The following PRCP variants were observed in gnomAD, a reference collection of about 807,000 sequenced individuals.
PRCP encodes the protein prolylcarboxypeptidase, also known as lysosomal Pro-X carboxypeptidase.
PRCP carries 46 observed loss-of-function variants against 54.2 expected under a neutral mutation model. The observed-to-expected ratio is 0.85, with a 90% CI of 0.67 to 1.09. The LOEUF (loss-of-function observed/expected upper bound fraction) is 1.09. Ranked by LOEUF, PRCP falls within the 50% of genes least tolerant of loss-of-function variation. The pLI, the probability that PRCP is intolerant of heterozygous loss-of-function variation, is 0.00. For missense variants in PRCP, 613 were observed against 596.8 expected (o/e 1.03, Z -0.28); for synonymous variants, 240 against 212.2 (o/e 1.13, Z -1.14).
chr11:82,887,280 T>C (rs1190172492), intron 1 of PRCP, among the ~76,000 whole-genome samples: 2 of 152,208 alleles, frequency 1.3e-5, no homozygotes, highest in Non-Finnish European at 2.9e-5. Flanking sequence ...TTTAATTACT[T>C]GTGACTATCT....
rs1460376385 is a variant in PRCP, at chr11:82,825,258, CTAATTTATCA to C, written c.1275-146_1275-137del. 6.5e-6 allele frequency: 5 copies of C among 770,488 alleles called. No homozygotes were observed. In the African/African-American group the frequency reaches 8.8e-5, roughly 14 times the overall value. 47.7% of individuals were successfully genotyped at this position (770,488 alleles called of 1,614,324 possible). ...AACCTGGGGGATTTGATCTGAGGAT[CTAATTTATCA>C]TATGGATAGATACTTCATACTGGAG... On this transcript the variant is annotated intron_variant, in intron 8 of 8. Transcript: ENST00000313010.
chr11:82,898,633 C>T (rs575636216), intron 1 of PRCP, among the ~76,000 whole-genome samples: 2 of 152,364 alleles, frequency 1.3e-5, no homozygotes, highest in East Asian at 3.9e-4. Flanking sequence ...CACTTTCCCT[C>T]TGAAACAGCT....
At chr11:82,883,375 T>C (rs961906219) in intron 1 of PRCP, among the ~76,000 whole-genome samples, 2 of 152,132 alleles carry the variant, frequency 1.3e-5, no homozygotes, top group South Asian at 2.1e-4. Context: ...TCCAAGCTGA[T>C]AGACAGCAGC....
intron 5 of PRCP, 32 bp from the exon 6 acceptor site, chr11:82,849,250 A>G: frequency 6.2e-7 from 1 of 1,609,160 alleles, no homozygotes; most frequent in Non-Finnish European, 8.5e-7. Context: ...TGGAATCTAA[A>G]AAGTACTGGT....
chr11:82,901,090 T>C (rs1380689418), upstream of PRCP: 1 of 363,280 alleles, frequency 2.8e-6, no homozygotes, highest in Non-Finnish European at 5.4e-6. Context: ...CGCAGACCGC[T>C]GGGTCCAGGT....
Position 82,849,990 on chromosome 11 carries a change from A to G in PRCP, c.675T>C (p.Asp225=). 1 of 1,563,054 alleles carries G rather than the reference A, an allele frequency of 6.4e-7. No individual in the cohort carries two copies. The highest frequency in any genetic ancestry group is 8.7e-7 in the Non-Finnish European group (1 of 1,153,488). The change falls in exon 5 of 9, where the codon GAT becomes GAC. Residue 225 remains aspartate (D), a synonymous_variant. Coordinates refer to ENST00000313010, the MANE Select transcript of PRCP (RefSeq NM_005040.4). ...CGVFMKIVTT[D]FRKSGPHCSE... The stretch of plus-strand genomic sequence containing the variant: ...AACAATGTGGACCGCTTTTCCTAAA[A>G]TCTGTAGTTACGATCTTCATAAATA...
intron 1 of PRCP, among the ~76,000 whole-genome samples, chr11:82,883,569 C>G (rs903452621): frequency 6.6e-6 from 1 of 152,066 alleles, no homozygotes; most frequent in African/African-American, 2.4e-5. Context: ...ATTGTCTAAG[C>G]CTACACTAGC....
intron 1 of PRCP, among the ~76,000 whole-genome samples, chr11:82,894,072 G>A (rs979593984): frequency 1.3e-5 from 2 of 151,768 alleles, no homozygotes; most frequent in African/African-American, 4.8e-5. Context: ...TTATTAAGAA[G>A]TACCATATCC....
intron 1 of PRCP, among the ~76,000 whole-genome samples, chr11:82,875,976 T>C (rs1275819642): frequency 6.6e-6 from 1 of 152,176 alleles, no homozygotes; most frequent in African/African-American, 2.4e-5. Flanking sequence ...CTGGAATGCA[T>C]TCCTCTCTCG....
intron 1 of PRCP, among the ~76,000 whole-genome samples, chr11:82,866,597 T>C (rs1859341963): frequency 6.6e-6 from 1 of 152,154 alleles, no homozygotes; most frequent in Non-Finnish European, 1.5e-5. Flanking sequence ...TAAGTGATAA[T>C]GGGAGAGTCC....
chr11:82,863,619 G>C (rs904271530), intron 1 of PRCP, among the ~76,000 whole-genome samples: 1 of 152,162 alleles, frequency 6.6e-6, no homozygotes, highest in African/African-American at 2.4e-5. Context: ...GCCTTTAAAA[G>C]CATCCCACAA....
At chr11:82,872,463 A>G (rs983082824) in intron 1 of PRCP, among the ~76,000 whole-genome samples, 1 of 152,214 alleles carries the variant, frequency 6.6e-6, no homozygotes, top group African/African-American at 2.4e-5. Context: ...TTCTTATAAG[A>G]AAAGAAGAGA....
intron 1 of PRCP, among the ~76,000 whole-genome samples, chr11:82,891,192 T>A (rs559886743): frequency 1.3e-5 from 2 of 152,332 alleles, no homozygotes; most frequent in African/African-American, 4.8e-5. Flanking sequence ...TCCTACCTTC[T>A]AACTGCTCAG....
intron 1 of PRCP, among the ~76,000 whole-genome samples, chr11:82,896,257 G>A (rs1860118569): frequency 6.6e-6 from 1 of 152,118 alleles, no homozygotes; most frequent in African/African-American, 2.4e-5. Context: ...AGGCCATGGT[G>A]CCCGGCTATT....
chr11:82,880,570 G>C (rs1295066257), intron 1 of PRCP, among the ~76,000 whole-genome samples: 1 of 152,160 alleles, frequency 6.6e-6, no homozygotes, highest in East Asian at 1.9e-4. Flanking sequence ...CAGTACCTCA[G>C]TTGGAAATGC....
Position 82,853,228 on chromosome 11 carries a change from A to G in PRCP, c.360T>C (p.Ala120=). 1.2e-6 allele frequency: 2 copies of G among 1,613,356 alleles called. No homozygotes were observed. Among genetic ancestry groups the G allele is most frequent in the Non-Finnish European group, 1.7e-6 (2 of 1,179,514 alleles). ...GAGACTCTCCATAGTATCGATGTTC[A>G]GCAAACACCAACATAGCTTTCAGTT... is the stretch of plus-strand genomic sequence containing the variant. ...AEELKAMLVF[A]EHRYYGESLP... is the part of the protein sequence containing the mutation. The change falls in exon 3 of 9, where the codon GCT becomes GCC. Residue 120 remains alanine, a synonymous_variant. Coordinates refer to ENST00000313010, the MANE Select transcript of PRCP (RefSeq NM_005040.4).
chr11:82,900,376 C>T lies in PRCP; in HGVS notation c.27G>A (p.Leu9=), dbSNP rs780655935. Residue 9 remains leucine, a synonymous_variant, in exon 1 of 9, where the codon CTG becomes CTA. Transcript: ENST00000313010. ...CCCAGGGCGCCAGAAAAGACAGAAG[C>T]AGGAGCAGGAGGGCTCGGCGGCCCA... MGRRALLL[L]LLSFLAPWAT... 6.2e-6 allele frequency: 10 copies of T among 1,613,780 alleles called. No individual in the cohort carries two copies. The highest frequency in any genetic ancestry group is 6.8e-6 in the Non-Finnish European group (8 of 1,179,906).
chr11:82,900,879 A>G (rs1860270693), upstream of PRCP: 1 of 457,196 alleles, frequency 2.2e-6, no homozygotes, highest in Non-Finnish European at 4.4e-6. Context: ...AACAGCTACC[A>G]TGACAATTTA....
chr11:82,841,604 T>G (rs1233512743), intron 6 of PRCP, among the ~76,000 whole-genome samples: 2 of 152,194 alleles, frequency 1.3e-5, no homozygotes, highest in African/African-American at 4.8e-5. Context: ...AATTAAGATG[T>G]TCAAATAATT....
Sources: allele counts gnomAD v4.1 joint callset (sites outside exome capture counted in the v4.1 genomes callset), GRCh38; gene constraint gnomAD v4.1.1; transcripts MANE v1.5; gene names NCBI Gene and HGNC (gene_info 2026-07-23, HGNC 2026-07-21).